The following ANK2 variants were observed in gnomAD, a reference collection of about 807,000 sequenced individuals.
ANK2 encodes ankyrin 2.
ANK2 carries 83 observed loss-of-function variants against 360.5 expected under a neutral mutation model. The ratio of observed to expected loss-of-function variants is 0.23; its 90% CI spans 0.19 to 0.28. The LOEUF (loss-of-function observed/expected upper bound fraction) is 0.28, where lower values mean the gene tolerates loss of function less well. ANK2 is among the 10% of genes least tolerant of loss of function. ANK2 has a pLI of 1.00. For missense variants in ANK2, 4,201 were observed against 4,795.7 expected (o/e 0.88, Z 3.66); for synonymous variants, 1,740 against 1,759.5 (o/e 0.99, Z 0.28).
At chr4:113,145,177 A>G (rs17579878) in intron 1 of ANK2, among the ~76,000 whole-genome samples, 28,293 of 152,104 alleles carry the variant, frequency 0.19, 2,742 homozygotes, top group African/African-American at 0.23. Flanking sequence ...CAAAACTTCT[A>G]TACCAGTGTC....
intron 22 of ANK2, among the ~76,000 whole-genome samples, chr4:113,296,843 C>T (rs567968321): frequency 3.0e-4 from 46 of 152,220 alleles, no homozygotes; most frequent in African/African-American, 1.0e-3. Flanking sequence ...CATCCTTCCG[C>T]TAATTGATCA....
chr4:112,916,821 A>T (rs2089995438), intron 2 of ANK2, among the ~76,000 whole-genome samples: 1 of 152,246 alleles, frequency 6.6e-6, no homozygotes, highest in Admixed American at 6.5e-5. Flanking sequence ...ATGTATTTTA[A>T]TAAGCAATTT....
chr4:113,348,202 T>G, intron 35 of ANK2, 74 bp from the exon 36 acceptor site: 1 of 1,485,632 alleles, frequency 6.7e-7, no homozygotes, highest in African/African-American at 1.4e-5. Flanking sequence ...ATTTACTCTT[T>G]CCTTTTCTTC....
chr4:112,876,499 G>A (rs2075157802), intron 1 of ANK2, among the ~76,000 whole-genome samples: 1 of 152,136 alleles, frequency 6.6e-6, no homozygotes, highest in African/African-American at 2.4e-5. Context: ...AGAAGTATGT[G>A]TGGAATGTAG....
intron 1 of ANK2, among the ~76,000 whole-genome samples, chr4:112,820,569 C>T (rs80226933): frequency 0.017 from 2,630 of 152,180 alleles, 86 homozygotes; most frequent in African/African-American, 0.057. Flanking sequence ...CCGTCTTTCC[C>T]GAAGAATGTC....
intron 22 of ANK2, among the ~76,000 whole-genome samples, chr4:113,299,736 T>A (rs1320716037): frequency 6.6e-6 from 1 of 151,952 alleles, no homozygotes; most frequent in Non-Finnish European, 1.5e-5. Context: ...TGAATAAGAT[T>A]TCATAGTAGG....
At chr4:113,269,702 TGGGA>T (rs2057772383) in intron 14 of ANK2, among the ~76,000 whole-genome samples, 1 of 147,188 alleles carries the variant, frequency 6.8e-6, no homozygotes, top group Admixed American at 6.8e-5. Flanking sequence ...GATCTGCAGA[TGGGA>T]GCTGTTCCTA....
intron 1 of ANK2, among the ~76,000 whole-genome samples, chr4:112,863,514 C>CTTTT (rs952398354): frequency 4.7e-5 from 5 of 107,040 alleles, no homozygotes; most frequent in Non-Finnish European, 9.6e-5. Context: ...TTTAGAGTAT[C>CTTTT]TTTTTTTTTT....
intron 21 of ANK2, 146 bp from the exon 22 acceptor site, chr4:113,293,294 G>C: frequency 5.3e-6 from 4 of 749,508 alleles, no homozygotes; most frequent in Non-Finnish European, 9.4e-6. Flanking sequence ...AGATTTAGAC[G>C]TAATGGTAAA....
chr4:112,963,947 A>G, intron 2 of ANK2, among the ~76,000 whole-genome samples: 1 of 151,906 alleles, frequency 6.6e-6, no homozygotes, highest in East Asian at 1.9e-4. Context: ...ATAGTCATAC[A>G]TTATGTTAAT....
chr4:113,140,361 A>G (rs1189169090), intron 1 of ANK2, among the ~76,000 whole-genome samples: 4 of 152,230 alleles, frequency 2.6e-5, no homozygotes, highest in African/African-American at 9.6e-5. Context: ...AAAAACAAGG[A>G]GAAGGGCAGA....
At position 113,381,723 on chromosome 4, in the gene ANK2, G is replaced by C; in HGVS notation, c.*252G>C. 1 of 1,423,050 alleles carries C rather than the reference G, an allele frequency of 7.0e-7. No individual in the cohort carries two copies. Among genetic ancestry groups the C allele is most frequent in the Non-Finnish European group, 9.5e-7 (1 of 1,051,998 alleles). 88.2% of individuals were successfully genotyped at this position (1,423,050 alleles called of 1,614,324 possible). On this transcript the variant is annotated 3_prime_UTR_variant, in exon 46 of 46. Coordinates refer to ENST00000357077, the MANE Select transcript of ANK2 (RefSeq NM_001148.6). ...TTTCAGTAGGGGAGTGACCTAACTG[G>C]CCTAATTAATGGGATACCCCGACAT...
chr4:113,196,614 A>G, intron 3 of ANK2, 148 bp downstream of exon 3: 1 of 761,452 alleles, frequency 1.3e-6, no homozygotes, highest in South Asian at 1.6e-5. Flanking sequence ...CGAAACCTCC[A>G]CCTCCTGGGC....
rs776609482 is a variant in ANK2 at position 113,288,467 on chromosome 4, A to G, written c.2258A>G (p.Asn753Ser). 2 of 1,613,870 alleles carry G rather than the reference A, an allele frequency of 1.2e-6. No homozygotes were observed. The highest frequency in any genetic ancestry group is 3.3e-5 in the Admixed American group (2 of 60,022). Reference protein sequence around the residue: ...MVNFLLKQGANVNAKTKNGYT... With the variant: ...MVNFLLKQGASVNAKTKNGYT... ...AACTTTCTTCTGAAGCAGGGAGCAA[A>G]TGTTAACGCAAAAACCAAGGTAAAG... The change falls in exon 20 of 46, where the codon AAT becomes AGT. Residue 753 changes from asparagine to serine, a missense_variant. Physicochemically the swap from Asn to Ser is conservative, Grantham distance 46. Transcript: ENST00000357077.
At chr4:112,743,077 C>A in the ANK2 span, among the ~76,000 whole-genome samples, 3 of 152,154 alleles carry the variant, frequency 2.0e-5, no homozygotes, top group Non-Finnish European at 2.9e-5. Context: ...AAAAGAAAAT[C>A]TTTTCCTATA....
intron 1 of ANK2, among the ~76,000 whole-genome samples, chr4:113,125,911 T>G (rs1029761209): frequency 6.6e-6 from 1 of 152,214 alleles, no homozygotes; most frequent in Non-Finnish European, 1.5e-5. Context: ...ACGCAAGTTT[T>G]CTTTAATAGG....
chr4:113,120,788 G>A (rs2095302958), intron 1 of ANK2, among the ~76,000 whole-genome samples: 2 of 152,156 alleles, frequency 1.3e-5, no homozygotes, highest in African/African-American at 2.4e-5. Context: ...AAGCCCCAGT[G>A]TGTTGTTCCC....
At chr4:113,154,270 C>T (rs1481053339) in intron 1 of ANK2, among the ~76,000 whole-genome samples, 11 of 152,162 alleles carry the variant, frequency 7.2e-5, no homozygotes, top group Non-Finnish European at 1.6e-4. Context: ...TTACTGTGTA[C>T]CTATATAGAG....
Position 113,363,417 on chromosome 4 carries a change from G to T in ANK2, c.10836G>T (p.Gln3612His). The T allele has an allele frequency of 6.2e-7, 1 of 1,613,558 alleles. No individual in the cohort carries two copies. The highest frequency in any genetic ancestry group is 8.5e-7 in the Non-Finnish European group (1 of 1,179,674). ...RIENPNSLQD[Q>H]SHALLKYWLE... ...AAAATCCCAACTCTCTTCAAGACCA[G>T]AGTCATGCACTGTTGAAGTACTGGC... Residue 3612 changes from glutamine to histidine, a missense_variant, in exon 40 of 46, where the codon CAG becomes CAT. Around this residue, in one of 4 missense-constraint regions of ANK2, gnomAD observed 2,642 missense variants for 2,714.5 expected, o/e 0.97. Transcript: ENST00000357077.
Sources: allele counts gnomAD v4.1 joint callset (sites outside exome capture counted in the v4.1 genomes callset), GRCh38; gene constraint gnomAD v4.1.1; regional missense constraint gnomAD v4.1.1; transcripts MANE v1.5; gene names NCBI Gene and HGNC (gene_info 2026-07-23, HGNC 2026-07-21).